HOMER2: variants seen among roughly 807,000 people sequenced by gnomAD.
HOMER2 encodes the protein homer protein homolog 2.
In HOMER2, 27 loss-of-function variants were observed where a neutral mutation model predicts 47.0. The observed-to-expected ratio is 0.57, with a 90% CI of 0.42 to 0.79. The LOEUF (loss-of-function observed/expected upper bound fraction) is 0.79, where lower values mean the gene tolerates loss of function less well. Ranked by LOEUF, HOMER2 falls within the 30% of genes least tolerant of loss-of-function variation. The probability of loss-of-function intolerance (pLI) is 0.00; values close to 1 mark genes in which losing one functional copy is unlikely to be tolerated. For synonymous variants in HOMER2, 161 were observed against 163.8 expected, an observed-to-expected ratio of 0.98 and a Z score of 0.13; for missense variants, 443 against 435.0, an observed-to-expected ratio of 1.02 and a Z score of -0.16.
intron 1 of HOMER2, among the ~76,000 whole-genome samples, chr15:82,967,991 T>G (rs1379277245): frequency 6.6e-6 from 1 of 152,228 alleles, no homozygotes; most frequent in East Asian, 1.9e-4. Context: ...TATTCACATA[T>G]TCACTCATTC....
At chr15:82,844,748 C>T (rs547689700), downstream of HOMER2, 14 of 152,270 alleles carry the variant, frequency 9.2e-5, no homozygotes, top group Admixed American at 1.3e-4. Flanking sequence ...TTATCCACTC[C>T]ACTCTTCTCA....
chr15:82,950,028 T>C (rs1567072371), intron 1 of HOMER2, among the ~76,000 whole-genome samples: 1 of 151,554 alleles, frequency 6.6e-6, no homozygotes, highest in Non-Finnish European at 1.5e-5. Context: ...GGGCCCCTAG[T>C]AGGAAGAGAT....
intron 1 of HOMER2, among the ~76,000 whole-genome samples, chr15:82,948,713 C>G (rs1357620364): frequency 6.6e-6 from 1 of 152,180 alleles, no homozygotes; most frequent in East Asian, 1.9e-4. Flanking sequence ...GGGGAAACAG[C>G]AAGTGCAAGG....
At chr15:82,838,788 C>A (rs1022690247) in exon 2 of HOMER2, 1 of 152,206 alleles carries the variant, frequency 6.6e-6, no homozygotes, top group African/African-American at 2.4e-5. Context: ...CCTGGTGGAA[C>A]AGGGGCTCAA....
intron 1 of HOMER2, among the ~76,000 whole-genome samples, chr15:82,914,491 T>C (rs948124458): frequency 1.3e-5 from 2 of 152,074 alleles, no homozygotes; most frequent in African/African-American, 4.8e-5. Flanking sequence ...TGAGTCCACT[T>C]ATATGAATCA....
rs551912650 is a variant in HOMER2 at position 82,916,763 on chromosome 15, C to A, written c.6-23922G>T. Among the ~76,000 whole-genome samples, 83 of 151,976 alleles carry A rather than the reference C, an allele frequency of 5.5e-4. 1 individual carries two copies. Among genetic ancestry groups the A allele is most frequent in the African/African-American group, 1.9e-3 (79 of 41,436 alleles). ...GAGCTGAGCCCTGAGTTGCCAGCTGCTTGGCCCAAAGTATGGGCTGCTCTG... is the reference window on the plus strand; with the variant it reads ...GAGCTGAGCCCTGAGTTGCCAGCTGATTGGCCCAAAGTATGGGCTGCTCTG... On this transcript the variant is annotated intron_variant, in intron 1 of 8. Transcript: ENST00000450735.
intron 1 of HOMER2, among the ~76,000 whole-genome samples, chr15:82,949,255 C>T (rs2054451956): frequency 6.6e-6 from 1 of 152,040 alleles, no homozygotes; most frequent in Non-Finnish European, 1.5e-5. Flanking sequence ...ATATCGATGG[C>T]ATTTGAAGCC....
upstream of HOMER2, chr15:82,985,902 G>T (rs1235588217): frequency 4.7e-6 from 1 of 214,878 alleles, no homozygotes; most frequent in East Asian, 1.8e-4. Context: ...GGAGCAGGCG[G>T]CCGGAAGGAG....
chr15:82,843,689 T>A (rs1009266186), exon 2 of HOMER2: 16 of 152,000 alleles, frequency 1.1e-4, no homozygotes, highest in African/African-American at 3.4e-4. Context: ...GGTTACATTT[T>A]AACCAAAAAA....
At chr15:82,877,882 G>T (rs968489449) in intron 2 of HOMER2, among the ~76,000 whole-genome samples, 11 of 152,114 alleles carry the variant, frequency 7.2e-5, no homozygotes, top group African/African-American at 2.7e-4. Context: ...TAAACTACTG[G>T]CAAGTGTAGG....
chr15:82,971,301 G>A (rs918159375), intron 1 of HOMER2, among the ~76,000 whole-genome samples: 2 of 152,064 alleles, frequency 1.3e-5, no homozygotes, highest in Admixed American at 6.6e-5. Context: ...ACTTCCACAG[G>A]GCACTGGGGC....
intron 1 of HOMER2, among the ~76,000 whole-genome samples, chr15:82,968,220 T>C (rs1363967551): frequency 6.6e-6 from 1 of 152,108 alleles, no homozygotes; most frequent in Non-Finnish European, 1.5e-5. Context: ...CACAGCGGAA[T>C]TTAGTACTTT....
In HOMER2 at chr15:82,853,199, C is replaced by T. The variant is rs565749293; in HGVS notation, c.652-947G>A. On this transcript the variant is annotated intron_variant, in intron 6 of 8. Coordinates refer to ENST00000450735, the MANE Select transcript of HOMER2 (RefSeq NM_004839.4). ...CCTGGGAGGCAAGCTTGTGAGATGT[C>T]GACTCAGGGAGGTCGACACGCCTCC... Among the ~76,000 whole-genome samples the T allele has an allele frequency of 7.2e-5, 11 of 152,306 alleles. No individual in the cohort carries two copies. The South Asian group carries it at 1.9e-3, about 26-fold the overall frequency.
At chr15:82,971,368 T>TGA (rs910861264) in intron 1 of HOMER2, among the ~76,000 whole-genome samples, 6 of 150,364 alleles carry the variant, frequency 4.0e-5, no homozygotes, top group African/African-American at 1.5e-4. Context: ...CTGAATCAGG[T>TGA]GAGAGAGAGA....
chr15:82,889,000 C>T (rs1321559482), intron 2 of HOMER2, among the ~76,000 whole-genome samples: 1 of 152,212 alleles, frequency 6.6e-6, no homozygotes, highest in African/African-American at 2.4e-5. Context: ...CCCACAACAG[C>T]CTCCTGCTTT....
At chr15:82,842,170 C>T (rs942250744) in exon 2 of HOMER2, 1 of 152,018 alleles carries the variant, frequency 6.6e-6, no homozygotes, top group Non-Finnish European at 1.5e-5. Flanking sequence ...GGCTGAGAAA[C>T]ATAAAACATA....
chr15:82,952,761 GCCCCGCCCTCCCCAGCCGCTAC>G (rs1271844763), upstream of HOMER2: 13 of 864,846 alleles, frequency 1.5e-5, no homozygotes, highest in Admixed American at 6.8e-5. Flanking sequence ...GGCGGTGCCC[GCCCCGCCCTCCCCAGCCGCTAC>G]CCCCGCCCGG....
intron 2 of HOMER2, among the ~76,000 whole-genome samples, chr15:82,881,510 A>AAAC (rs796306051): frequency 1.3e-5 from 2 of 152,166 alleles, no homozygotes; most frequent in Non-Finnish European, 2.9e-5. Context: ...TAAAAATTTA[A>AAAC]AACAACAACA....
upstream of HOMER2, among the ~76,000 whole-genome samples, chr15:82,953,887 A>G (rs2054556821): frequency 6.6e-6 from 1 of 152,046 alleles, no homozygotes; most frequent in Non-Finnish European, 1.5e-5. Context: ...CGTCTCAAAA[A>G]ATAAATAAAT....
Sources: allele counts gnomAD v4.1 joint callset (sites outside exome capture counted in the v4.1 genomes callset), GRCh38; gene constraint gnomAD v4.1.1; transcripts MANE v1.5; gene names NCBI Gene and HGNC (gene_info 2026-07-23, HGNC 2026-07-21).